Variants in DHDDS observed in about 807,000 individuals in gnomAD.
DHDDS encodes the protein dehydrodolichyl diphosphate synthase subunit, also known as dehydrodolichyl diphosphate synthase complex subunit DHDDS.
Under a neutral mutation model 46.2 loss-of-function variants are expected in DHDDS, and 16 were observed. The ratio of observed to expected loss-of-function variants is 0.35; its 90% CI spans 0.23 to 0.53. The LOEUF is 0.53. Ranked by LOEUF, DHDDS falls within the 20% of genes least tolerant of loss-of-function variation. The probability of loss-of-function intolerance (pLI) is 0.94; values close to 1 mark genes in which losing one functional copy is unlikely to be tolerated. For missense variants in DHDDS, 340 were observed against 423.7 expected (o/e 0.80, Z 1.73); for synonymous variants, 151 against 163.1 (o/e 0.93, Z 0.56).
At chr1:26,457,230 G>C (rs1231885552) in intron 6 of DHDDS, among the ~76,000 whole-genome samples, 3 of 151,692 alleles carry the variant, frequency 2.0e-5, no homozygotes, top group South Asian at 4.2e-4. Context: ...AGGCCGAGGG[G>C]GGGGCGGATC....
intron 4 of DHDDS, among the ~76,000 whole-genome samples, chr1:26,445,126 G>T (rs1343396295): frequency 6.6e-6 from 1 of 152,166 alleles, no homozygotes; most frequent in Non-Finnish European, 1.5e-5. Context: ...CTGTGCCTCA[G>T]TTTCCTCATC....
At chr1:26,455,156 A>G in intron 6 of DHDDS, 1 of 772,632 alleles carries the variant, frequency 1.3e-6, no homozygotes. Flanking sequence ...TGATATCATG[A>G]GGTTCTCCGG....
intron 2 of DHDDS, among the ~76,000 whole-genome samples, chr1:26,436,162 C>T (rs2075152791): frequency 6.6e-6 from 1 of 151,956 alleles, no homozygotes; most frequent in African/African-American, 2.4e-5. Context: ...CTTTGGGAGG[C>T]CAAATCGAGT....
rs2075528785 is a variant in DHDDS, at chr1:26,469,336, G to A, written c.*205G>A. The stretch of plus-strand genomic sequence containing the variant: ...CTCCTGAGGAGGATTGAGGGTGAAA[G>A]TCTCCCACGAGTACACTAAACCTAG... On this transcript the variant is annotated 3_prime_UTR_variant, in exon 9 of 9. Coordinates refer to ENST00000236342, the MANE Select transcript of DHDDS (RefSeq NM_205861.3). 3.3e-6 allele frequency: 3 copies of A among 921,700 alleles called. No individual in the cohort carries two copies. In the African/African-American group the frequency reaches 4.9e-5, roughly 15 times the overall value. The allele number at this position is 921,700 out of a possible 1,614,324, so 57.1% of individuals were successfully genotyped here.
intron 4 of DHDDS, 93 bp downstream of exon 4, chr1:26,442,966 G>A: frequency 6.3e-7 from 1 of 1,594,374 alleles, no homozygotes; most frequent in Non-Finnish European, 8.5e-7. Flanking sequence ...TTACTTAAGG[G>A]ACTTGCAACT....
chr1:26,433,466 T>G (rs981686327), intron 2 of DHDDS, among the ~76,000 whole-genome samples: 1 of 151,888 alleles, frequency 6.6e-6, no homozygotes, highest in African/African-American at 2.4e-5. Context: ...CTGGGCAACA[T>G]GGCAAAACCC....
In DHDDS at chr1:26,452,010, G is replaced by C. The variant is rs549102768; in HGVS notation, c.542+4350G>C. On this transcript the variant is annotated intron_variant, in intron 6 of 8. Coordinates refer to ENST00000236342, the MANE Select transcript of DHDDS (RefSeq NM_205861.3). The stretch of plus-strand genomic sequence containing the variant: ...GATCTGCCCACCTTGGCCTCCCAAA[G>C]TCCTGGGATTATAGGTGTGAGCCAT... Among the ~76,000 whole-genome samples the C allele has an allele frequency of 3.9e-5, 6 of 152,162 alleles. 1 individual carries two copies. The highest frequency in any genetic ancestry group is 1.4e-4 in the African/African-American group (6 of 41,514).
At chr1:26,433,208 G>A in intron 2 of DHDDS, 200 bp downstream of exon 2, 1 of 636,432 alleles carries the variant, frequency 1.6e-6, no homozygotes, top group Non-Finnish European at 2.8e-6. Flanking sequence ...ATATTTTCTG[G>A]AAGCCCAGGC....
chr1:26,446,324 T>G lies in DHDDS; in HGVS notation c.332T>G (p.Leu111Arg). The change falls in exon 5 of 9, where the codon CTG becomes CGG. Residue 111 changes from leucine to arginine, a missense_variant. This residue lies in a region of DHDDS where 268 missense variants were observed against 300.3 expected (regional missense o/e 0.89). Coordinates refer to ENST00000236342, the MANE Select transcript of DHDDS (RefSeq NM_205861.3). ...CTCTTTTCCCTGATCAGGGAGAAAC[T>G]GCAGAAGCATGGGGTGTGTATCCGG... ...FSRLMEEKEKLQKHGVCIRVL... is the reference protein window; with the variant it reads ...FSRLMEEKEKRQKHGVCIRVL... The G allele has an allele frequency of 6.2e-7, 1 of 1,613,924 alleles. No homozygotes were observed. Among genetic ancestry groups the G allele is most frequent in the Non-Finnish European group, 8.5e-7 (1 of 1,179,878 alleles).
rs191968253 is a variant in DHDDS, at chr1:26,456,390, T to A, written c.543-1401T>A. Among the ~76,000 whole-genome samples the A allele has an allele frequency of 1.2e-4, 18 of 152,062 alleles. No individual in the cohort carries two copies. The East Asian group carries it at 3.5e-3, about 29-fold the overall frequency. On this transcript the variant is annotated intron_variant, in intron 6 of 8. Transcript: ENST00000236342. ...CTGTCTGGAAAAAAAATAAAATATG[T>A]TTTCTGTTTTTTTTTGTTTTGAGAC...
intron 5 of DHDDS, 29 bp from the exon 6 acceptor site, chr1:26,447,530 G>A: frequency 6.4e-7 from 1 of 1,574,658 alleles, no homozygotes; most frequent in Non-Finnish European, 8.7e-7. Flanking sequence ...GTCCCCCTTT[G>A]GTAAATTATT....
intron 7 of DHDDS, 106 bp from the exon 8 acceptor site, chr1:26,459,931 C>G: frequency 2.2e-6 from 2 of 893,530 alleles, no homozygotes; most frequent in Non-Finnish European, 1.9e-6. Flanking sequence ...ATTGTCATCT[C>G]TGGGCTTCTG....
intron 2 of DHDDS, 56 bp downstream of exon 2, chr1:26,433,064 T>C: frequency 6.4e-7 from 1 of 1,574,284 alleles, no homozygotes; most frequent in Non-Finnish European, 8.7e-7. Context: ...TAATCTTATA[T>C]AAAAACCTGT....
chr1:26,443,206 A>C (rs1211034409), intron 4 of DHDDS: 1 of 306,240 alleles, frequency 3.3e-6, no homozygotes, highest in Admixed American at 4.8e-5. Flanking sequence ...CTCTCTGCAG[A>C]CCAGTTTTCT....
intron 8 of DHDDS, among the ~76,000 whole-genome samples, chr1:26,465,651 C>T (rs775609981): frequency 4.6e-5 from 7 of 152,212 alleles, no homozygotes; most frequent in Non-Finnish European, 7.3e-5. Flanking sequence ...GTGCTGAGTG[C>T]AGTGGCTGGA....
chr1:26,438,498 A>G (rs1424665713), intron 3 of DHDDS: 3 of 517,210 alleles, frequency 5.8e-6, no homozygotes, highest in Non-Finnish European at 1.1e-5. Context: ...CCAAGGCAGG[A>G]GGATTGCTTG....
In DHDDS at chr1:26,469,709, A is replaced by C; in HGVS notation, c.*578A>C. Reference sequence around the variant, plus strand: ...GAATCTCTACCCTCTCCCACCACACAGTACTGATTGCTCACTGAAAGACTC... The same window carrying C: ...GAATCTCTACCCTCTCCCACCACACCGTACTGATTGCTCACTGAAAGACTC... On this transcript the variant is annotated 3_prime_UTR_variant, in exon 9 of 9. Coordinates refer to ENST00000236342, the MANE Select transcript of DHDDS (RefSeq NM_205861.3). 5.6e-6 allele frequency: 1 copy of C among 179,562 alleles called. No individual in the cohort carries two copies. Among genetic ancestry groups the C allele is most frequent in the African/African-American group, 2.4e-5 (1 of 42,520 alleles). 11.1% of individuals were successfully genotyped at this position (179,562 alleles called of 1,614,324 possible).
intron 4 of DHDDS, chr1:26,443,176 G>C: frequency 2.8e-6 from 1 of 360,404 alleles, no homozygotes; most frequent in Non-Finnish European, 5.2e-6. Context: ...TAGAACCTCT[G>C]TATTCATTTA....
intron 6 of DHDDS, among the ~76,000 whole-genome samples, chr1:26,456,295 A>G (rs2075369428): frequency 6.6e-6 from 1 of 152,124 alleles, no homozygotes; most frequent in African/African-American, 2.4e-5. Context: ...TTGCTTGAGC[A>G]TGGAAGGTGG....
Sources: gnomAD v4.1 joint callset for allele counts (sites outside exome capture counted in the v4.1 genomes callset) on GRCh38, gnomAD v4.1.1 for gene constraint, gnomAD v4.1.1 regional missense constraint, MANE v1.5 for transcripts, NCBI Gene and HGNC (gene_info 2026-07-23, HGNC 2026-07-21) for gene names.